The following LMX1B variants were observed in gnomAD, a reference collection of about 807,000 sequenced individuals.
LMX1B encodes LIM homeobox transcription factor 1-beta.
A neutral mutation model predicts 51.4 loss-of-function variants in LMX1B; 12 were observed. The observed-to-expected ratio is 0.23, with a 90% CI of 0.15 to 0.38. LMX1B has a LOEUF of 0.38. Among genes scored for constraint, LMX1B ranks in the 10% least tolerant of loss-of-function variants. The probability of loss-of-function intolerance (pLI) is 1.00; values close to 1 mark genes in which losing one functional copy is unlikely to be tolerated. For synonymous variants in LMX1B, 237 were observed against 235.4 expected (o/e 1.01, Z -0.06); for missense variants, 445 against 571.1 (o/e 0.78, Z 2.25).
At position 126,614,411 on chromosome 9, in the gene LMX1B, C is replaced by A; in HGVS notation, c.-39C>A. On this transcript the variant is annotated 5_prime_UTR_variant, in exon 1 of 8. Coordinates refer to ENST00000373474, the MANE Select transcript of LMX1B (RefSeq NM_001174147.2). ...GCGGGTGGACGGGCCGGCGGGCGAGCAGCCCGGCCGGCGGGGTCCGCAGCG... is the reference window on the plus strand; with the variant it reads ...GCGGGTGGACGGGCCGGCGGGCGAGAAGCCCGGCCGGCGGGGTCCGCAGCG... 7.1e-7 allele frequency: 1 copy of A among 1,408,430 alleles called. No individual in the cohort carries two copies. Among genetic ancestry groups the A allele is most frequent in the South Asian group, 1.5e-5 (1 of 65,646 alleles). The allele number at this position is 1,408,430 out of a possible 1,614,324, so 87.2% of individuals were successfully genotyped here.
Position 126,641,306 on chromosome 9 carries a change from G to A in LMX1B, c.326+25737G>A, listed in dbSNP as rs896467185. ...GCTGTTGACTGAACACTCTCTGTGT[G>A]CTGAGCACTGTACTAAGTGCCTTGC... On this transcript the variant is annotated intron_variant, in intron 2 of 7. Coordinates refer to ENST00000373474, the MANE Select transcript of LMX1B (RefSeq NM_001174147.2). This position sits in a 1 kb window ranked among gnomAD's most constrained non-coding sequence, Gnocchi z 4.1. 6.6e-6 allele frequency: 1 copy of A among 152,272 alleles called. No individual in the cohort carries two copies. Among genetic ancestry groups the A allele is most frequent in the Admixed American group, 6.5e-5 (1 of 15,282 alleles). 9.4% of individuals were successfully genotyped at this position (152,272 alleles called of 1,614,324 possible).
intron 2 of LMX1B, among the ~76,000 whole-genome samples, chr9:126,661,173 G>A (rs1199916881): frequency 6.6e-6 from 1 of 152,178 alleles, no homozygotes; most frequent in Admixed American, 6.5e-5. Flanking sequence ...CCCTGACACA[G>A]GGCGACCCCT....
intron 2 of LMX1B, among the ~76,000 whole-genome samples, chr9:126,624,979 C>G (rs1434898720): frequency 6.6e-6 from 1 of 152,200 alleles, no homozygotes; most frequent in African/African-American, 2.4e-5. Context: ...AAGATTATGT[C>G]ACGAACACAA....
chr9:126,675,554 G>A (rs1007693381), intron 2 of LMX1B, among the ~76,000 whole-genome samples: 43 of 150,972 alleles, frequency 2.8e-4, no homozygotes, highest in African/African-American at 9.7e-4. Flanking sequence ...GTGAAACCCC[G>A]TCTCTATTAA....
At chr9:126,628,553 T>C (rs1835575192) in intron 2 of LMX1B, among the ~76,000 whole-genome samples, 2 of 152,358 alleles carry the variant, frequency 1.3e-5, no homozygotes, top group East Asian at 1.9e-4. Flanking sequence ...CTTAGAGCGA[T>C]GGAATCTCTA....
At chr9:126,636,772 A>G (rs550137940) in intron 2 of LMX1B, among the ~76,000 whole-genome samples, 5 of 152,326 alleles carry the variant, frequency 3.3e-5, no homozygotes, top group East Asian at 1.9e-4. Context: ...CTCACCCAGC[A>G]TCCGGCACAG....
chr9:126,696,659 T>A lies in LMX1B; in HGVS notation c.*208T>A. 1 of 600,666 alleles carries A rather than the reference T, an allele frequency of 1.7e-6. No individual in the cohort carries two copies. Among genetic ancestry groups the A allele is most frequent in the Non-Finnish European group, 2.9e-6 (1 of 340,484 alleles). 37.2% of individuals were successfully genotyped at this position (600,666 alleles called of 1,614,324 possible). ...CACAGCCTGGGCAGGGGCTGTGTCC[T>A]GCCCACAGAGACCTTGTCATCCCCA... On this transcript the variant is annotated 3_prime_UTR_variant, in exon 8 of 8. Transcript: ENST00000373474.
rs1836576283 is a variant in LMX1B, at chr9:126,677,011, T to G, written c.327-13825T>G. Reference sequence around the variant, plus strand: ...TATGCTAATGCGGCCGGGCGGGCGGTGATTAAGCGGCTCAGGCAGGCAGCG... The same window carrying G: ...TATGCTAATGCGGCCGGGCGGGCGGGGATTAAGCGGCTCAGGCAGGCAGCG... On this transcript the variant is annotated intron_variant, in intron 2 of 7. Coordinates refer to ENST00000373474, the MANE Select transcript of LMX1B (RefSeq NM_001174147.2). This position sits in a 1 kb window ranked among gnomAD's most constrained non-coding sequence, Gnocchi z 5.0. Among the ~76,000 whole-genome samples the G allele has an allele frequency of 6.6e-6, 1 of 152,020 alleles. No homozygotes were observed. The highest frequency in any genetic ancestry group is 1.5e-5 in the Non-Finnish European group (1 of 68,018).
chr9:126,649,557 A>G (rs1835963119), intron 2 of LMX1B, among the ~76,000 whole-genome samples: 1 of 152,238 alleles, frequency 6.6e-6, no homozygotes. Flanking sequence ...AAGAATTTGC[A>G]TATCTAACAA....
intron 2 of LMX1B, among the ~76,000 whole-genome samples, chr9:126,617,492 TA>T (rs201744919): frequency 3.4e-4 from 50 of 145,138 alleles, no homozygotes; most frequent in Non-Finnish European, 3.0e-4. Flanking sequence ...AGCTTCTCTT[TA>T]AAAAAAAAAA....
intron 2 of LMX1B, among the ~76,000 whole-genome samples, chr9:126,621,821 TG>T (rs1472628021): frequency 6.6e-6 from 1 of 152,148 alleles, no homozygotes; most frequent in African/African-American, 2.4e-5. Context: ...GACGGGGCAG[TG>T]AAGGGCTTGT....
In LMX1B at chr9:126,693,209, C is replaced by G. The variant is rs780090833; in HGVS notation, c.627C>G (p.Ser209Arg). The G allele has an allele frequency of 1.9e-6, 3 of 1,608,136 alleles. No homozygotes were observed. Reference protein sequence around the residue: ...AKGQGSQSKGSGDDGKDPRRP... With the variant: ...AKGQGSQSKGRGDDGKDPRRP... ...GGCAGGGCAGTCAGAGCAAGGGCAG[C>G]GGGGATGACGGGAAGGACCCGCGGA... is the stretch of plus-strand genomic sequence containing the variant. The change falls in exon 4 of 8, where the codon AGC becomes AGG. Residue 209 changes from serine to arginine, a missense_variant. By Grantham distance (110) the Ser-to-Arg change is moderately radical. This residue lies in a region of LMX1B where 273 missense variants were observed against 343.3 expected (regional missense o/e 0.80). Coordinates refer to ENST00000373474, the MANE Select transcript of LMX1B (RefSeq NM_001174147.2).
intron 6 of LMX1B, among the ~76,000 whole-genome samples, chr9:126,694,430 GCCTGGGGAGT>G (rs2030255545): frequency 6.6e-6 from 1 of 152,224 alleles, no homozygotes; most frequent in African/African-American, 2.4e-5. Flanking sequence ...GGCGTGAAGG[GCCTGGGGAGT>G]CGGGAGGGAC....
At chr9:126,678,498 T>C (rs1836615016) in intron 2 of LMX1B, among the ~76,000 whole-genome samples, 1 of 152,164 alleles carries the variant, frequency 6.6e-6, no homozygotes, top group African/African-American at 2.4e-5. Context: ...CCCAAATCTG[T>C]CTCAACCCCA....
chr9:126,672,679 C>T (rs1385003058), intron 2 of LMX1B, among the ~76,000 whole-genome samples: 1 of 152,180 alleles, frequency 6.6e-6, no homozygotes, highest in Admixed American at 6.5e-5. Flanking sequence ...CCATTCAGGC[C>T]TTCTCAGACC....
rs1225613806 is a variant in LMX1B, at chr9:126,626,756, A to G, written c.326+11187A>G. Among the ~76,000 whole-genome samples the G allele has an allele frequency of 2.0e-5, 3 of 152,166 alleles. No homozygotes were observed. The highest frequency in any genetic ancestry group is 2.0e-4 in the Admixed American group (3 of 15,282). On this transcript the variant is annotated intron_variant, in intron 2 of 7. Transcript: ENST00000373474. This position sits in a 1 kb window ranked among gnomAD's most constrained non-coding sequence, Gnocchi z 4.3. ...GGCGGCGGCGGAGCAAACTCTGCGG[A>G]TTAGGTTTCAGCGCCTCCGCCCCAC...
rs2118996918 is a variant in LMX1B at position 126,695,770 on chromosome 9, G to A, written c.887-69G>A. On this transcript the variant is annotated intron_variant, in intron 6 of 7. Coordinates refer to ENST00000373474, the MANE Select transcript of LMX1B (RefSeq NM_001174147.2). The surrounding 1 kb of genome is among the most constrained non-coding windows in gnomAD (Gnocchi z 5.2). Reference sequence around the variant, plus strand: ...GGGGAGTCCCAAGGAGATCAGAAGGGGAGGCTGCTGGGGTGTAGCTGGGAG... The same window carrying A: ...GGGGAGTCCCAAGGAGATCAGAAGGAGAGGCTGCTGGGGTGTAGCTGGGAG... 6.4e-7 allele frequency: 1 copy of A among 1,574,640 alleles called. No homozygotes were observed. Among genetic ancestry groups the A allele is most frequent in the Middle Eastern group, 2.2e-4 (1 of 4,596 alleles).
chr9:126,615,586 C>G lies in LMX1B; in HGVS notation c.326+17C>G, dbSNP rs755525827. On this transcript the variant is annotated intron_variant, in intron 2 of 7. Coordinates refer to ENST00000373474, the MANE Select transcript of LMX1B (RefSeq NM_001174147.2). This position sits in a 1 kb window ranked among gnomAD's most constrained non-coding sequence, Gnocchi z 6.0. ...CTACCAACAGTAAGCGCTTCTCGTC[C>G]TCCTTCCCCGCCACCGCCCGGCACT... 1 of 1,595,524 alleles carries G rather than the reference C, an allele frequency of 6.3e-7. No individual in the cohort carries two copies. The highest frequency in any genetic ancestry group is 8.5e-7 in the Non-Finnish European group (1 of 1,171,036).
At chr9:126,690,771 G>A (rs2030089856) in intron 2 of LMX1B, 65 bp from the exon 3 acceptor site, 30 of 1,407,106 alleles carry the variant, frequency 2.1e-5, no homozygotes, top group Admixed American at 3.9e-5. Context: ...AGAGGCCCTC[G>A]GCAGGAGTGG....
Sources: allele counts gnomAD v4.1 joint callset (sites outside exome capture counted in the v4.1 genomes callset), GRCh38; gene constraint gnomAD v4.1.1; regional missense constraint gnomAD v4.1.1; non-coding constraint Gnocchi (gnomAD v3.1); transcripts MANE v1.5; gene names NCBI Gene and HGNC (gene_info 2026-07-23, HGNC 2026-07-21).